The following NKAIN2 variants were observed in gnomAD, a reference collection of about 807,000 sequenced individuals.
The protein encoded by NKAIN2 is sodium/potassium transporting ATPase interacting 2.
A neutral mutation model predicts 32.6 loss-of-function variants in NKAIN2; 14 were observed. That is an observed-to-expected ratio of 0.43 (90% CI 0.28 to 0.67). NKAIN2 has a LOEUF of 0.67. Among genes scored for constraint, NKAIN2 ranks in the 30% least tolerant of loss-of-function variants. The pLI, the probability that NKAIN2 is intolerant of heterozygous loss-of-function variation, is 0.17. For missense variants in NKAIN2, 198 were observed against 258.3 expected (o/e 0.77, Z 1.60); for synonymous variants, 80 against 87.2 (o/e 0.92, Z 0.46).
At chr6:124,598,878 T>C (rs1472089624) in intron 3 of NKAIN2, among the ~76,000 whole-genome samples, 1 of 152,108 alleles carries the variant, frequency 6.6e-6, no homozygotes, top group Non-Finnish European at 1.5e-5. Context: ...TGTTCCTAAA[T>C]GCAATGCCTT....
At chr6:124,501,427 G>A (rs1374377335) in intron 3 of NKAIN2, among the ~76,000 whole-genome samples, 5 of 152,124 alleles carry the variant, frequency 3.3e-5, no homozygotes, top group South Asian at 2.1e-4. Context: ...CAAATTAGCC[G>A]TAATGGAAGG....
chr6:124,000,219 A>G (rs1434888212), intron 1 of NKAIN2, among the ~76,000 whole-genome samples: 3 of 152,106 alleles, frequency 2.0e-5, no homozygotes, highest in Non-Finnish European at 2.9e-5. Flanking sequence ...TAAGAGACTC[A>G]GAATTTCAAT....
intron 4 of NKAIN2, among the ~76,000 whole-genome samples, chr6:124,720,668 G>T (rs1775966846): frequency 6.6e-6 from 1 of 152,068 alleles, no homozygotes; most frequent in South Asian, 2.1e-4. Context: ...AAATAGACTG[G>T]AGATTCAGAT....
intron 1 of NKAIN2, among the ~76,000 whole-genome samples, chr6:124,217,665 A>G (rs1303815247): frequency 6.6e-6 from 1 of 152,124 alleles, no homozygotes; most frequent in Non-Finnish European, 1.5e-5. Context: ...TCCAATTGAC[A>G]TTCTCGACTG....
chr6:124,221,738 C>A (rs1791840089), intron 1 of NKAIN2, among the ~76,000 whole-genome samples: 2 of 152,036 alleles, frequency 1.3e-5, no homozygotes, highest in Non-Finnish European at 2.9e-5. Flanking sequence ...TGGAATCATG[C>A]TTCCAACCTT....
intron 3 of NKAIN2, among the ~76,000 whole-genome samples, chr6:124,648,554 G>A (rs182310401): frequency 2.6e-5 from 4 of 152,272 alleles, no homozygotes; most frequent in Admixed American, 2.6e-4. Flanking sequence ...CAACATGCAA[G>A]AGAACTGATG....
chr6:124,759,208 G>A (rs1012659623), intron 4 of NKAIN2, among the ~76,000 whole-genome samples: 5 of 152,084 alleles, frequency 3.3e-5, no homozygotes, highest in African/African-American at 9.7e-5. Context: ...ATGTAATCTT[G>A]TTTTCCACAA....
intron 1 of NKAIN2, among the ~76,000 whole-genome samples, chr6:124,267,356 T>G (rs1794539954): frequency 6.6e-6 from 1 of 151,976 alleles, no homozygotes; most frequent in Non-Finnish European, 1.5e-5. Context: ...TAAGAATGTA[T>G]TTTTCAGCCA....
intron 4 of NKAIN2, among the ~76,000 whole-genome samples, chr6:124,783,931 A>G (rs1057444698): frequency 6.6e-6 from 1 of 152,176 alleles, no homozygotes; most frequent in Non-Finnish European, 1.5e-5. Flanking sequence ...TTTAATTTAA[A>G]TAAAACATAC....
intron 1 of NKAIN2, among the ~76,000 whole-genome samples, chr6:124,074,801 T>C (rs1354234155): frequency 6.6e-6 from 1 of 152,224 alleles, no homozygotes; most frequent in African/African-American, 2.4e-5. Flanking sequence ...TGTTGCTTTC[T>C]GCTACGAACC....
chr6:124,453,322 AACAC>A (rs766482280), intron 3 of NKAIN2, among the ~76,000 whole-genome samples: 1,184 of 63,900 alleles, frequency 0.019, 29 homozygotes, highest in East Asian at 0.12. Flanking sequence ...CATGCATATA[AACAC>A]ACACACACAC....
chr6:123,845,945 C>G (rs551154155), intron 1 of NKAIN2, among the ~76,000 whole-genome samples: 1 of 152,034 alleles, frequency 6.6e-6, no homozygotes, highest in Non-Finnish European at 1.5e-5. Context: ...TCTTTAAATA[C>G]TCTATATTTT....
chr6:124,785,689 C>G (rs1779467782), intron 4 of NKAIN2, among the ~76,000 whole-genome samples: 1 of 152,122 alleles, frequency 6.6e-6, no homozygotes, highest in African/African-American at 2.4e-5. Flanking sequence ...GGTCCTGCCC[C>G]CCACTAGCCT....
intron 2 of NKAIN2, among the ~76,000 whole-genome samples, chr6:124,345,127 G>A (rs1357913717): frequency 6.6e-6 from 1 of 152,016 alleles, no homozygotes; most frequent in African/African-American, 2.4e-5. Context: ...TTATATGCTA[G>A]TTTACATTTA....
chr6:123,871,450 T>C (rs1772870042), intron 1 of NKAIN2, among the ~76,000 whole-genome samples: 1 of 152,186 alleles, frequency 6.6e-6, no homozygotes, highest in Non-Finnish European at 1.5e-5. Flanking sequence ...CCAGGTCTGC[T>C]TCAGAGCTAG....
At chr6:124,558,390 G>A (rs557130850) in intron 3 of NKAIN2, among the ~76,000 whole-genome samples, 8 of 151,494 alleles carry the variant, frequency 5.3e-5, no homozygotes, top group East Asian at 3.9e-4. Context: ...TCTCACCCCC[G>A]GACTCTTCTT....
chr6:124,092,364 C>A (rs1167906738), intron 1 of NKAIN2, among the ~76,000 whole-genome samples: 1 of 152,050 alleles, frequency 6.6e-6, no homozygotes, highest in Non-Finnish European at 1.5e-5. Context: ...CAGCAGAGAT[C>A]ATCAGAGGTT....
intron 4 of NKAIN2, among the ~76,000 whole-genome samples, chr6:124,664,341 T>TATA (rs1772659856): frequency 6.6e-6 from 1 of 152,052 alleles, no homozygotes; most frequent in African/African-American, 2.4e-5. Context: ...CTAGTAGTTT[T>TATA]AATCAATATT....
intron 3 of NKAIN2, among the ~76,000 whole-genome samples, chr6:124,504,031 T>A (rs1377994555): frequency 6.6e-6 from 1 of 152,134 alleles, no homozygotes; most frequent in African/African-American, 2.4e-5. Context: ...CTGTAGAACA[T>A]TAGCCTAGTC....
Sources: gnomAD v4.1 joint callset for allele counts (sites outside exome capture counted in the v4.1 genomes callset) on GRCh38, gnomAD v4.1.1 for gene constraint, MANE v1.5 for transcripts, NCBI Gene and HGNC (gene_info 2026-07-23, HGNC 2026-07-21) for gene names.